The following SVIL variants were observed in gnomAD, a reference collection of about 807,000 sequenced individuals.
SVIL encodes archvillin.
SVIL carries 101 observed loss-of-function variants against 240.4 expected under a neutral mutation model. That is an observed-to-expected ratio of 0.42 (90% CI 0.36 to 0.50). The LOEUF (loss-of-function observed/expected upper bound fraction) is 0.50. Among genes scored for constraint, SVIL ranks in the 20% least tolerant of loss-of-function variants. The pLI, the probability that SVIL is intolerant of heterozygous loss-of-function variation, is 0.01. For missense variants in SVIL, 2,512 were observed against 2,818.7 expected (o/e 0.89, Z 2.46); for synonymous variants, 999 against 1,100.0 (o/e 0.91, Z 1.82).
At chr10:29,567,631 A>G (rs955616541) in intron 2 of SVIL, among the ~76,000 whole-genome samples, 6 of 152,148 alleles carry the variant, frequency 3.9e-5, no homozygotes, top group Non-Finnish European at 7.3e-5. Context: ...TGCTTTTCCT[A>G]TCCTTGAATA....
At chr10:29,708,893 A>G (rs746320165) in intron 1 of SVIL, among the ~76,000 whole-genome samples, 2 of 152,136 alleles carry the variant, frequency 1.3e-5, no homozygotes, top group Non-Finnish European at 1.5e-5. Context: ...CAAAAAAATC[A>G]AACAAAAAAC....
At chr10:29,705,701 T>C (rs1437145234) in intron 1 of SVIL, among the ~76,000 whole-genome samples, 1 of 152,150 alleles carries the variant, frequency 6.6e-6, no homozygotes, top group African/African-American at 2.4e-5. Context: ...TGTGTTCTCC[T>C]TGTTCAACTC....
chr10:29,690,904 T>C (rs1179985995), intron 1 of SVIL, among the ~76,000 whole-genome samples: 2 of 152,214 alleles, frequency 1.3e-5, no homozygotes, highest in South Asian at 4.1e-4. Context: ...AGTTGGCTGA[T>C]TTTTCTTACG....
At chr10:29,729,937 C>T in intron 1 of SVIL, among the ~76,000 whole-genome samples, 1 of 151,538 alleles carries the variant, frequency 6.6e-6, no homozygotes, top group Non-Finnish European at 1.5e-5. Context: ...ACCTATAATC[C>T]CAGCATTTAG....
At position 29,536,540 on chromosome 10, in the gene SVIL, A is replaced by G. The variant is rs150336413; in HGVS notation, c.828-471T>C. On this transcript the variant is annotated intron_variant, in intron 6 of 37. Transcript: ENST00000355867. The stretch of plus-strand genomic sequence containing the variant: ...TTTCCAGGACATGTGGCTCACTACT[A>G]AAATCAAGAGGTAAAAATAAATGTA... Among the ~76,000 whole-genome samples, 899 of 152,326 alleles carry G rather than the reference A, an allele frequency of 5.9e-3. 6 individuals carry two copies. Among genetic ancestry groups the G allele is most frequent in the African/African-American group, 0.021 (856 of 41,568 alleles).
At position 29,550,746 on chromosome 10, in the gene SVIL, A is replaced by G; in HGVS notation, c.678T>C (p.Ser226=). The change falls in exon 6 of 38, where the codon AGT becomes AGC. Residue 226 remains serine, a synonymous_variant. Transcript: ENST00000355867. ...GCCCAGAGAAAGAGAAGGTCGAGGA[A>G]CTCTCGGCTGCTGGGGACAGGTCAT... ...QAHDLSPAAE[S]SSTFSFSGRD... is the part of the protein sequence containing the mutation. 6.2e-7 allele frequency: 1 copy of G among 1,613,880 alleles called. No individual in the cohort carries two copies. The highest frequency in any genetic ancestry group is 8.5e-7 in the Non-Finnish European group (1 of 1,179,964).
intron 16 of SVIL, among the ~76,000 whole-genome samples, chr10:29,513,945 A>G (rs1443540599): frequency 1.2e-4 from 18 of 151,218 alleles, no homozygotes; most frequent in Non-Finnish European, 2.2e-4. Context: ...AATCTTAGGT[A>G]TTTACGCTGG....
At chr10:29,606,162 T>C (rs767696695) in intron 1 of SVIL, among the ~76,000 whole-genome samples, 1 of 152,148 alleles carries the variant, frequency 6.6e-6, no homozygotes, top group Non-Finnish European at 1.5e-5. Context: ...CCACCTGCCT[T>C]GGCCCCTAAG....
Position 29,555,080 on chromosome 10 carries a change from T to A in SVIL, c.-22A>T. ...TCATTTCTAAGAATTCTTTCTTCTT[T>A]GGTTCAAAGATTTGTCTTAATTCTG... On this transcript the variant is annotated 5_prime_UTR_variant, in exon 4 of 38. Coordinates refer to ENST00000355867, the MANE Select transcript of SVIL (RefSeq NM_021738.3). 6.2e-7 allele frequency: 1 copy of A among 1,612,906 alleles called. No homozygotes were observed. The highest frequency in any genetic ancestry group is 8.5e-7 in the Non-Finnish European group (1 of 1,179,720).
chr10:29,631,734 C>T (rs1958103726), intron 1 of SVIL, among the ~76,000 whole-genome samples: 1 of 152,094 alleles, frequency 6.6e-6, no homozygotes, highest in Admixed American at 6.5e-5. Flanking sequence ...GAGATTGTGC[C>T]ATTGCACTCC....
intron 1 of SVIL, among the ~76,000 whole-genome samples, chr10:29,708,012 C>T (rs984070150): frequency 4.6e-5 from 7 of 152,002 alleles, no homozygotes; most frequent in Non-Finnish European, 1.0e-4. Flanking sequence ...AATCCCAGCA[C>T]TTTGGGAGGC....
intron 6 of SVIL, among the ~76,000 whole-genome samples, chr10:29,550,262 C>A (rs1400073292): frequency 1.6e-5 from 2 of 123,822 alleles, no homozygotes; most frequent in African/African-American, 6.7e-5. Context: ...TGGAGGGAGA[C>A]CCTGTCTCTA....
intron 1 of SVIL, among the ~76,000 whole-genome samples, chr10:29,595,436 G>A (rs1956546735): frequency 6.6e-6 from 1 of 152,166 alleles, no homozygotes; most frequent in Non-Finnish European, 1.5e-5. Flanking sequence ...AGCACAGAAA[G>A]GCACGTGCCC....
intron 33 of SVIL, 94 bp downstream of exon 33, chr10:29,467,648 A>G: frequency 6.6e-7 from 1 of 1,513,012 alleles, no homozygotes; most frequent in Non-Finnish European, 8.9e-7. Context: ...AGCTGTGATC[A>G]TACCACTATA....
At chr10:29,529,010 T>C (rs1028927195) in intron 12 of SVIL, among the ~76,000 whole-genome samples, 2 of 151,588 alleles carry the variant, frequency 1.3e-5, no homozygotes, top group African/African-American at 4.8e-5. Flanking sequence ...ACCCCGTCTC[T>C]ACTAAAAATA....
chr10:29,509,421 A>G (rs1267676765), intron 17 of SVIL, among the ~76,000 whole-genome samples: 1 of 151,762 alleles, frequency 6.6e-6, no homozygotes, highest in Non-Finnish European at 1.5e-5. Context: ...AGAACTAGCT[A>G]GGTAAACAAT....
At chr10:29,674,357 GT>G (rs1960040309) in intron 2 of SVIL, among the ~76,000 whole-genome samples, 1 of 151,864 alleles carries the variant, frequency 6.6e-6, no homozygotes, top group Non-Finnish European at 1.5e-5. Context: ...GTTTCTTAGG[GT>G]TTTTCATGAG....
At chr10:29,631,237 C>T (rs189842432) in intron 1 of SVIL, among the ~76,000 whole-genome samples, 185 of 152,308 alleles carry the variant, frequency 1.2e-3, no homozygotes, top group Middle Eastern at 0.01. Context: ...TGGCCCTGGC[C>T]GAGTGCAAGA....
chr10:29,570,662 A>G (rs1455330573), intron 1 of SVIL, among the ~76,000 whole-genome samples: 1 of 152,252 alleles, frequency 6.6e-6, no homozygotes, highest in Non-Finnish European at 1.5e-5. Context: ...TATTTTAGCT[A>G]AAGTGCAGCA....
Sources: allele counts gnomAD v4.1 joint callset (sites outside exome capture counted in the v4.1 genomes callset), GRCh38; gene constraint gnomAD v4.1.1; transcripts MANE v1.5; gene names NCBI Gene and HGNC (gene_info 2026-07-23, HGNC 2026-07-21).